PDHX: variants seen among roughly 807,000 people sequenced by gnomAD.
PDHX encodes pyruvate dehydrogenase complex component X.
A neutral mutation model predicts 55.3 loss-of-function variants in PDHX; 33 were observed. The observed-to-expected ratio is 0.60, with a 90% CI of 0.45 to 0.80. The LOEUF (loss-of-function observed/expected upper bound fraction) is 0.80, where lower values mean the gene tolerates loss of function less well. Ranked by LOEUF, PDHX falls within the 30% of genes least tolerant of loss-of-function variation. The pLI, the probability that PDHX is intolerant of heterozygous loss-of-function variation, is 0.00. For synonymous variants in PDHX, 226 were observed against 219.4 expected (o/e 1.03, Z -0.27); for missense variants, 622 against 619.9 (o/e 1.00, Z -0.04).
intron 3 of PDHX, among the ~76,000 whole-genome samples, chr11:34,948,798 T>C (rs1373171297): frequency 6.6e-6 from 1 of 152,220 alleles, no homozygotes. Flanking sequence ...TTTTCTTGAC[T>C]AATTTATGCA....
chr11:34,972,189 T>C (rs1003070526), intron 7 of PDHX, among the ~76,000 whole-genome samples: 7 of 152,228 alleles, frequency 4.6e-5, no homozygotes, highest in Admixed American at 3.3e-4. Context: ...TATTAACTTA[T>C]CTAGTATTTC....
intron 8 of PDHX, among the ~76,000 whole-genome samples, chr11:34,983,994 T>C (rs1426094165): frequency 2.0e-5 from 3 of 152,292 alleles, no homozygotes; most frequent in Admixed American, 6.5e-5. Context: ...AGAACAAAGC[T>C]GGAGGCATCA....
At chr11:34,981,174 G>A (rs1167663528) in intron 8 of PDHX, among the ~76,000 whole-genome samples, 1 of 151,740 alleles carries the variant, frequency 6.6e-6, no homozygotes, top group Non-Finnish European at 1.5e-5. Context: ...AACAGGCCCG[G>A]GTGTGTGATG....
intron 8 of PDHX, among the ~76,000 whole-genome samples, 154 bp from the exon 9 acceptor site, chr11:34,984,416 C>T (rs1855595516): frequency 6.6e-6 from 1 of 152,190 alleles, no homozygotes; most frequent in Non-Finnish European, 1.5e-5. Context: ...ATAATTGACA[C>T]AGAACTCCAT....
chr11:34,968,643 T>C (rs1291333725), intron 6 of PDHX, among the ~76,000 whole-genome samples: 3 of 152,218 alleles, frequency 2.0e-5, no homozygotes, highest in African/African-American at 7.2e-5. Flanking sequence ...TTTTTAAAAA[T>C]TACAAATCCA....
At chr11:34,932,511 G>A (rs1435753041) in intron 2 of PDHX, among the ~76,000 whole-genome samples, 1 of 152,076 alleles carries the variant, frequency 6.6e-6, no homozygotes, top group Admixed American at 6.5e-5. Flanking sequence ...TAAGAAATAC[G>A]CAGACACTTT....
intron 5 of PDHX, among the ~76,000 whole-genome samples, chr11:34,963,852 T>A (rs541923353): frequency 6.6e-6 from 1 of 152,352 alleles, no homozygotes; most frequent in African/African-American, 2.4e-5. Flanking sequence ...GCAGAACACA[T>A]TTAGTTTCTT....
chr11:34,947,336 T>TAC (rs201136678), intron 2 of PDHX, among the ~76,000 whole-genome samples, 170 bp from the exon 3 acceptor site: 17 of 151,232 alleles, frequency 1.1e-4, no homozygotes, highest in Middle Eastern at 3.4e-3. Context: ...AGCATACACA[T>TAC]ACACACACAC....
intron 1 of PDHX, among the ~76,000 whole-genome samples, chr11:34,921,840 A>G (rs749961640): frequency 2.0e-5 from 3 of 152,344 alleles, no homozygotes; most frequent in East Asian, 1.9e-4. Context: ...TATTCTGTCT[A>G]TGAAAGCAGG....
At chr11:34,990,746 A>T (rs548715893) in intron 9 of PDHX, among the ~76,000 whole-genome samples, 2 of 152,338 alleles carry the variant, frequency 1.3e-5, no homozygotes, top group Admixed American at 1.3e-4. Flanking sequence ...TTTATAAATA[A>T]CCACATCCAA....
intron 9 of PDHX, among the ~76,000 whole-genome samples, chr11:34,991,604 A>G (rs946560071): frequency 2.0e-5 from 3 of 152,014 alleles, no homozygotes; most frequent in Admixed American, 2.0e-4. Flanking sequence ...GCCATTGGAT[A>G]ATTTATTTAA....
At position 34,916,629 on chromosome 11, in the gene PDHX, C is replaced by CG. The variant is rs747994483; in HGVS notation, c.-24dup. 6.2e-7 allele frequency: 1 copy of CG among 1,602,760 alleles called. No homozygotes were observed. Among genetic ancestry groups the CG allele is most frequent in the African/African-American group, 1.3e-5 (1 of 74,842 alleles). On this transcript the variant is annotated 5_prime_UTR_variant, in exon 1 of 11. Transcript: ENST00000227868. Reference sequence around the variant, plus strand: ...TGATGCTGGACATCAGGCTGTGCTGCGGGCAGCCAGTGAGAAGGCCGTCAA... The same window carrying CG: ...TGATGCTGGACATCAGGCTGTGCTGCGGGGCAGCCAGTGAGAAGGCCGTCAA...
At chr11:34,952,392 G>C (rs1005244141) in intron 3 of PDHX, among the ~76,000 whole-genome samples, 7 of 151,646 alleles carry the variant, frequency 4.6e-5, no homozygotes, top group Non-Finnish European at 1.0e-4. Context: ...AACAAAAAAA[G>C]AGAATTTTAG....
At position 34,947,512 on chromosome 11, in the gene PDHX, C is replaced by T. The variant is rs745866603; in HGVS notation, c.248C>T (p.Ala83Val). 8.1e-6 allele frequency: 13 copies of T among 1,609,372 alleles called. No homozygotes were observed. In the African/African-American group the frequency reaches 9.4e-5, roughly 12 times the overall value. ...IVKWLKKEGE[A>V]VSAGDALCEI... ...ACCCAGTCTTGTTTTGTAGGTGAAG[C>T]GGTGAGTGCTGGAGATGCATTATGT... The change falls in exon 3 of 11, where the codon GCG (alanine) becomes GTG (valine). Residue 83 changes from alanine (A) to valine (V), a missense_variant. Ala to Val is a moderately conservative substitution (Grantham distance 64). Transcript: ENST00000227868.
intron 2 of PDHX, among the ~76,000 whole-genome samples, chr11:34,944,688 A>T (rs1430608722): frequency 6.6e-6 from 1 of 152,116 alleles, no homozygotes. Context: ...TTCTCTTATG[A>T]TGCTTGCCTG....
intron 4 of PDHX, 63 bp from the exon 5 acceptor site, chr11:34,960,357 A>G: frequency 9.5e-7 from 1 of 1,055,030 alleles, no homozygotes; most frequent in South Asian, 1.3e-5. Context: ...GTTGACATTT[A>G]GATCTATTTG....
chr11:34,944,404 G>C (rs1418509733), intron 2 of PDHX, among the ~76,000 whole-genome samples: 1 of 152,042 alleles, frequency 6.6e-6, no homozygotes, highest in East Asian at 1.9e-4. Flanking sequence ...ACAGGTGTGA[G>C]CCTACACGCC....
At chr11:34,924,825 C>T (rs1853980694) in intron 1 of PDHX, among the ~76,000 whole-genome samples, 1 of 152,152 alleles carries the variant, frequency 6.6e-6, no homozygotes, top group Non-Finnish European at 1.5e-5. Flanking sequence ...CCCAGTCTTC[C>T]TTAGAAGTAA....
At chr11:34,955,078 G>A (rs1288333661) in intron 3 of PDHX, among the ~76,000 whole-genome samples, 1 of 152,176 alleles carries the variant, frequency 6.6e-6, no homozygotes, top group Non-Finnish European at 1.5e-5. Flanking sequence ...ATCATTGGCA[G>A]AAGAGTAAGA....
Sources: allele counts gnomAD v4.1 joint callset (sites outside exome capture counted in the v4.1 genomes callset), GRCh38; gene constraint gnomAD v4.1.1; transcripts MANE v1.5; gene names NCBI Gene and HGNC (gene_info 2026-07-23, HGNC 2026-07-21).